The following TJAP1 variants were observed in gnomAD, a reference collection of about 807,000 sequenced individuals.
TJAP1 encodes tight junction-associated protein 1.
In TJAP1, 27 loss-of-function variants were observed where a neutral mutation model predicts 42.0. That is an observed-to-expected ratio of 0.64 (90% CI 0.47 to 0.89). TJAP1 has a LOEUF of 0.89. TJAP1 is among the 40% of genes least tolerant of loss of function. The pLI is 0.00. For synonymous variants in TJAP1, 257 were observed against 288.4 expected (o/e 0.89, Z 1.10); for missense variants, 712 against 726.9 (o/e 0.98, Z 0.24).
intron 4 of TJAP1, chr6:43,500,540 T>A: frequency 1.7e-6 from 1 of 589,280 alleles, no homozygotes; most frequent in Non-Finnish European, 3.1e-6. Context: ...GGTTCTTGAA[T>A]CTTCTGGTTG....
intron 5 of TJAP1, 64 bp from the exon 6 acceptor site, chr6:43,501,462 G>A: frequency 6.7e-7 from 1 of 1,484,410 alleles, no homozygotes; most frequent in Non-Finnish European, 9.2e-7. Context: ...CCACTCTGGA[G>A]CTCCAGGGCA....
In TJAP1 at chr6:43,499,014, G is replaced by GC; in HGVS notation, c.17dup (p.Ala7CysfsTer2). The GC allele has an allele frequency of 1.9e-6, 3 of 1,613,888 alleles. No individual in the cohort carries two copies. Among genetic ancestry groups the GC allele is most frequent in the Non-Finnish European group, 2.5e-6 (3 of 1,179,970 alleles). On this transcript the variant is annotated frameshift_variant, in exon 4 of 11. Transcript: ENST00000372449. LOFTEE classifies it high-confidence loss of function. ...GTCACCTCCCAGAATGACTAGTGCCGCCCCTGCTAAGAAACCCTACCGTAA... is the reference window on the plus strand; with the variant it reads ...GTCACCTCCCAGAATGACTAGTGCCGCCCCCTGCTAAGAAACCCTACCGTAA...
intron 10 of TJAP1, chr6:43,504,000 C>T (rs1582127866): frequency 1.6e-6 from 1 of 617,838 alleles, no homozygotes; most frequent in Non-Finnish European, 3.1e-6. Flanking sequence ...CCAAAGAGTA[C>T]TAAGAGAGGA....
At chr6:43,494,255 A>T (rs1294717272) in intron 2 of TJAP1, among the ~76,000 whole-genome samples, 1 of 152,168 alleles carries the variant, frequency 6.6e-6, no homozygotes, top group East Asian at 1.9e-4. Flanking sequence ...TTTCCTTTGA[A>T]CTGATTTTTG....
chr6:43,488,763 C>T (rs1182969334), intron 2 of TJAP1, among the ~76,000 whole-genome samples: 4 of 152,246 alleles, frequency 2.6e-5, no homozygotes, highest in East Asian at 3.9e-4. Flanking sequence ...CAGGGCCTGT[C>T]GGAAGAGTTG....
intron 2 of TJAP1, among the ~76,000 whole-genome samples, chr6:43,480,234 C>G (rs1194238493): frequency 6.6e-6 from 1 of 152,228 alleles, no homozygotes; most frequent in African/African-American, 2.4e-5. Flanking sequence ...AACCTGCTGT[C>G]TCTTTATATA....
chr6:43,486,163 C>A (rs1786449050), intron 2 of TJAP1, among the ~76,000 whole-genome samples: 2 of 151,636 alleles, frequency 1.3e-5, no homozygotes, highest in South Asian at 4.2e-4. Flanking sequence ...CGGGGTTTCG[C>A]CATTTTGGCC....
chr6:43,502,076 A>ACACACACACACACACT lies in TJAP1; in HGVS notation c.291-206_291-205insACACACACACACACTC, dbSNP rs767085594. The stretch of plus-strand genomic sequence containing the variant: ...CACACACACACACACACACACACAC[A>ACACACACACACACACT]CTCTCTCTCTCTCTCTCTCTCTCTC... On this transcript the variant is annotated intron_variant, in intron 6 of 10. Coordinates refer to ENST00000372449, the Ensembl canonical transcript of TJAP1. Among the ~76,000 whole-genome samples the ACACACACACACACACT allele has an allele frequency of 1.9e-3, 133 of 68,956 alleles. 13 individuals carry two copies. The highest frequency in any genetic ancestry group is 9.1e-3 in the African/African-American group (119 of 13,116). The allele number at this position is 68,956 out of a possible 152,430, so 45.2% of individuals were successfully genotyped here. A position where few individuals can be genotyped will look rare whatever the true frequency, so the allele number is the denominator to read the frequency against.
At chr6:43,499,259 G>A (rs1789962869) in intron 4 of TJAP1, 159 bp downstream of exon 4, 2 of 1,110,574 alleles carry the variant, frequency 1.8e-6, no homozygotes. Context: ...TAGTGCAGGT[G>A]GGGGTAATGT....
chr6:43,505,200 G>A lies in TJAP1; in HGVS notation c.1019G>A (p.Arg340Gln), dbSNP rs762184189. Reference sequence around the variant, plus strand: ...ATAGAGTTCTCTGAGGATAAGGTTCGGATCCCCCGCAACAGCCCCCTGCCC... The same window carrying A: ...ATAGAGTTCTCTGAGGATAAGGTTCAGATCCCCCGCAACAGCCCCCTGCCC... The change falls in exon 11 of 11, where the codon CGG (arginine) becomes CAG (glutamine). Residue 340 changes from arginine (R) to glutamine (Q), a missense_variant. Arg to Gln is a conservative substitution (Grantham distance 43). This residue lies in a region of TJAP1 where 549 missense variants were observed against 528.2 expected (regional missense o/e 1.04). Coordinates refer to ENST00000372449, the Ensembl canonical transcript of TJAP1. This position sits in a 1 kb window ranked among gnomAD's most constrained non-coding sequence, Gnocchi z 5.5. The A allele has an allele frequency of 5.6e-6, 9 of 1,613,984 alleles. No homozygotes were observed. Among genetic ancestry groups the A allele is most frequent in the Middle Eastern group, 1.6e-4 (1 of 6,084 alleles).
intron 2 of TJAP1, among the ~76,000 whole-genome samples, chr6:43,481,513 A>G (rs1158220265): frequency 6.8e-6 from 1 of 146,294 alleles, no homozygotes; most frequent in African/African-American, 2.5e-5. Context: ...TTAACAGTCA[A>G]TGTCTTTCCT....
At chr6:43,498,861 C>T (rs80091464) in intron 3 of TJAP1, 117 bp from the exon 4 acceptor site, 21,268 of 1,096,086 alleles carry the variant, frequency 0.019, 248 homozygotes, top group Middle Eastern at 0.042. Flanking sequence ...ATGGCCCAGG[C>T]CTGTCAGCCT....
In TJAP1 at chr6:43,498,806, T is replaced by C. The variant is rs930294586; in HGVS notation, c.-24-172T>C. 6.9e-6 allele frequency: 4 copies of C among 581,272 alleles called. No individual in the cohort carries two copies. In the African/African-American group the frequency reaches 7.6e-5, roughly 11 times the overall value. 36.0% of individuals were successfully genotyped at this position (581,272 alleles called of 1,614,324 possible). On this transcript the variant is annotated intron_variant, in intron 3 of 10. Transcript: ENST00000372449. ...CACCCTCCAGCACTCCTTTGACCTA[T>C]GGGGACTGACACACCTAAGTCCTGC...
At position 43,485,189 on chromosome 6, in the gene TJAP1, A is replaced by G. The variant is rs529278696; in HGVS notation, c.-122+6957A>G. Among the ~76,000 whole-genome samples, 26 of 152,338 alleles carry G rather than the reference A, an allele frequency of 1.7e-4. No individual in the cohort carries two copies. In the South Asian group the frequency reaches 5.0e-3, roughly 29 times the overall value. ...GACTGGATGGAGAGTTTCAATATCC[A>G]TGTTTCCCCATATTTTATGGATTGA... On this transcript the variant is annotated intron_variant, in intron 2 of 10. Coordinates refer to ENST00000372449, the Ensembl canonical transcript of TJAP1.
chr6:43,505,721 C>T lies in TJAP1; in HGVS notation c.1540C>T (p.His514Tyr), dbSNP rs369536388. The T allele has an allele frequency of 1.9e-6, 3 of 1,570,782 alleles. No homozygotes were observed. The highest frequency in any genetic ancestry group is 4.5e-5 in the East Asian group (2 of 44,408). ...CACAGAGGAGGGGCCAGGCACTTCC[C>T]ACACCGAGGGCAGGGCCTGGCCACT... The change falls in exon 11 of 11, where the codon CAC becomes TAC. Residue 514 changes from histidine to tyrosine, a missense_variant. This residue lies in a region of TJAP1 where 549 missense variants were observed against 528.2 expected (regional missense o/e 1.04). Coordinates refer to ENST00000372449, the Ensembl canonical transcript of TJAP1. This position sits in a 1 kb window ranked among gnomAD's most constrained non-coding sequence, Gnocchi z 5.5.
chr6:43,481,007 GTTAAC>G (rs1202231046), intron 2 of TJAP1, among the ~76,000 whole-genome samples: 3 of 152,142 alleles, frequency 2.0e-5, no homozygotes, highest in Non-Finnish European at 2.9e-5. Flanking sequence ...TTGGTATCAA[GTTAAC>G]TTAAATATGC....
At chr6:43,500,655 C>T in intron 4 of TJAP1, 89 bp from the exon 5 acceptor site, 1 of 1,480,886 alleles carries the variant, frequency 6.8e-7, no homozygotes, top group Non-Finnish European at 9.4e-7. Context: ...GGGCTTCACA[C>T]CTGAGCCTTC....
chr6:43,501,939 T>A lies in TJAP1; in HGVS notation c.290+252T>A, dbSNP rs910389079. ...CACACACACACACACTCTCTCTCTC[T>A]CTCTCTCTCTCTCTCTCCTTTCATA... On this transcript the variant is annotated intron_variant, in intron 6 of 10. Transcript: ENST00000372449. Among the ~76,000 whole-genome samples the A allele has an allele frequency of 6.2e-3, 898 of 144,476 alleles. 21 individuals carry two copies. Among genetic ancestry groups the A allele is most frequent in the African/African-American group, 0.02 (774 of 37,826 alleles). The allele number at this position is 144,476 out of a possible 152,430, so 94.8% of individuals were successfully genotyped here.
intron 8 of TJAP1, 27 bp from the exon 9 acceptor site, chr6:43,503,374 T>A: frequency 6.3e-7 from 1 of 1,582,102 alleles, no homozygotes. Flanking sequence ...GAGTGTGGGC[T>A]GGGTTAACCT....
Sources: allele counts gnomAD v4.1 joint callset (sites outside exome capture counted in the v4.1 genomes callset), GRCh38; gene constraint gnomAD v4.1.1; regional missense constraint gnomAD v4.1.1; non-coding constraint Gnocchi (gnomAD v3.1); transcripts MANE v1.5; gene names NCBI Gene and HGNC (gene_info 2026-07-23, HGNC 2026-07-21).